TMPRSS11D: variants seen among roughly 807,000 people sequenced by gnomAD.
TMPRSS11D encodes the protein transmembrane serine protease 11D, also known as transmembrane protease serine 11D.
Under a neutral mutation model 44.4 loss-of-function variants are expected in TMPRSS11D, and 32 were observed. That is an observed-to-expected ratio of 0.72 (90% CI 0.54 to 0.97). The LOEUF (loss-of-function observed/expected upper bound fraction) is 0.97. TMPRSS11D is among the 50% of genes least tolerant of loss of function. TMPRSS11D has a pLI of 0.00. For missense variants in TMPRSS11D, 446 were observed against 502.6 expected (o/e 0.89, Z 1.08); for synonymous variants, 179 against 177.9 (o/e 1.01, Z -0.05).
intron 3 of TMPRSS11D, among the ~76,000 whole-genome samples, chr4:67,848,489 C>A (rs1718412734): frequency 6.6e-6 from 1 of 152,158 alleles, no homozygotes; most frequent in Non-Finnish European, 1.5e-5. Flanking sequence ...CATCATGAAG[C>A]TTATGTCTAA....
chr4:67,861,813 T>C (rs576320158), intron 1 of TMPRSS11D, among the ~76,000 whole-genome samples: 2 of 152,196 alleles, frequency 1.3e-5, no homozygotes, highest in African/African-American at 4.8e-5. Context: ...ACTAATTACA[T>C]AAGAATGAAT....
intron 1 of TMPRSS11D, chr4:67,860,250 A>G (rs966523845): frequency 6.6e-6 from 1 of 152,564 alleles, no homozygotes; most frequent in African/African-American, 2.4e-5. Context: ...AGTAACTGAA[A>G]TGAAACAGAA....
chr4:67,877,089 A>G (rs1719209214), intron 1 of TMPRSS11D, among the ~76,000 whole-genome samples: 1 of 152,216 alleles, frequency 6.6e-6, no homozygotes, highest in Non-Finnish European at 1.5e-5. Flanking sequence ...AACGGGCGAT[A>G]GGTATGAGGA....
At chr4:67,852,632 C>T (rs944487689) in intron 3 of TMPRSS11D, among the ~76,000 whole-genome samples, 28 of 151,904 alleles carry the variant, frequency 1.8e-4, no homozygotes, top group Non-Finnish European at 2.8e-4. Flanking sequence ...ATAAAGCAAG[C>T]GAAGTTAGAT....
rs940087392 is a variant in TMPRSS11D, at chr4:67,829,789, G to A, written c.693-2269C>T. ...AAAGATACTCAAACTAGTAATCTGA[G>A]AAATTAAAATTATAAAAATGAGCAT... On this transcript the variant is annotated intron_variant, in intron 7 of 9. Coordinates refer to ENST00000283916, the MANE Select transcript of TMPRSS11D (RefSeq NM_004262.3). Among the ~76,000 whole-genome samples the A allele has an allele frequency of 2.0e-5, 3 of 151,946 alleles. No individual in the cohort carries two copies. The East Asian group carries it at 5.8e-4, about 29-fold the overall frequency.
At chr4:67,825,462 T>G (rs1265019967) in intron 9 of TMPRSS11D, among the ~76,000 whole-genome samples, 1 of 152,042 alleles carries the variant, frequency 6.6e-6, no homozygotes, top group Non-Finnish European at 1.5e-5. Flanking sequence ...GACTTGGTAA[T>G]AGAGGTTAAG....
rs550205572 is a variant in TMPRSS11D, at chr4:67,870,664, A to G, written c.9-10986T>C. Among the ~76,000 whole-genome samples, 9 of 152,132 alleles carry G rather than the reference A, an allele frequency of 5.9e-5. No individual in the cohort carries two copies. The East Asian group carries it at 1.7e-3, about 30-fold the overall frequency. On this transcript the variant is annotated intron_variant, in intron 1 of 9. Coordinates refer to ENST00000283916, the MANE Select transcript of TMPRSS11D (RefSeq NM_004262.3). ...CCAGTCTCTACTAAAAATACAAAAA[A>G]TTAGCCGGGCGTGGTGGCGGGCGCC...
chr4:67,878,887 C>T (rs555679635), intron 1 of TMPRSS11D, among the ~76,000 whole-genome samples: 94 of 152,262 alleles, frequency 6.2e-4, no homozygotes, highest in African/African-American at 2.3e-3. Flanking sequence ...GATTGCACCA[C>T]TGCACTCCAG....
intron 4 of TMPRSS11D, among the ~76,000 whole-genome samples, chr4:67,839,701 CG>C (rs1718184217): frequency 6.6e-6 from 1 of 151,562 alleles, no homozygotes; most frequent in African/African-American, 2.4e-5. Flanking sequence ...TATCTGTTTC[CG>C]AGATCCAGCT....
chr4:67,881,701 T>C (rs890328694), intron 1 of TMPRSS11D, among the ~76,000 whole-genome samples: 5 of 152,196 alleles, frequency 3.3e-5, no homozygotes, highest in Non-Finnish European at 5.9e-5. Flanking sequence ...CCGCCAACTT[T>C]TGTCTCAGGT....
rs183680425 is a variant in TMPRSS11D at position 67,855,128 on chromosome 4, G to A, written c.131-942C>T. The stretch of plus-strand genomic sequence containing the variant: ...AAATTAGCCAGGTGTGGTGGCAGGC[G>A]CCTGTAATCTCAGCTACTTGGGAGG... On this transcript the variant is annotated intron_variant, in intron 2 of 9. Coordinates refer to ENST00000283916, the MANE Select transcript of TMPRSS11D (RefSeq NM_004262.3). 8.2e-4 allele frequency among the ~76,000 whole-genome samples: 124 copies of A among 151,990 alleles called. 1 individual carries two copies. The East Asian group carries it at 0.017, about 21-fold the overall frequency.
chr4:67,860,336 A>C (rs1168383753), intron 1 of TMPRSS11D: 2 of 152,096 alleles, frequency 1.3e-5, no homozygotes, highest in Non-Finnish European at 2.9e-5. Flanking sequence ...AGTCACACAC[A>C]CTGACACTGG....
intron 1 of TMPRSS11D, among the ~76,000 whole-genome samples, chr4:67,876,116 G>C (rs1036576159): frequency 3.9e-5 from 6 of 152,128 alleles, no homozygotes; most frequent in Non-Finnish European, 7.4e-5. Context: ...CCAGGGGCCT[G>C]TGTTTTTAAT....
intron 2 of TMPRSS11D, among the ~76,000 whole-genome samples, chr4:67,856,854 T>A (rs1718648521): frequency 6.6e-6 from 1 of 151,998 alleles, no homozygotes; most frequent in Non-Finnish European, 1.5e-5. Flanking sequence ...AAATAAGACA[T>A]ACAAATCATC....
intron 1 of TMPRSS11D, among the ~76,000 whole-genome samples, chr4:67,864,275 T>C (rs1718865140): frequency 6.6e-6 from 1 of 152,040 alleles, no homozygotes. Context: ...AGAAGAGGAA[T>C]GTGTTGACAC....
chr4:67,880,568 T>C (rs779106920), intron 1 of TMPRSS11D, among the ~76,000 whole-genome samples: 2 of 152,186 alleles, frequency 1.3e-5, no homozygotes, highest in Non-Finnish European at 2.9e-5. Flanking sequence ...AGAAGTAAAC[T>C]TGTCAGAATA....
chr4:67,880,512 C>T (rs1432726577), intron 1 of TMPRSS11D, among the ~76,000 whole-genome samples: 1 of 151,952 alleles, frequency 6.6e-6, no homozygotes, highest in Non-Finnish European at 1.5e-5. Flanking sequence ...AACATTACAT[C>T]TTAATTTATT....
chr4:67,851,967 C>T (rs1476225207), intron 3 of TMPRSS11D, among the ~76,000 whole-genome samples: 1 of 152,142 alleles, frequency 6.6e-6, no homozygotes, highest in East Asian at 1.9e-4. Context: ...ACTGAGGTTA[C>T]ACCATCAAGG....
At position 67,834,139 on chromosome 4, in the gene TMPRSS11D, C is replaced by G. The variant is rs528798286; in HGVS notation, c.515-758G>C. 2.6e-5 allele frequency among the ~76,000 whole-genome samples: 4 copies of G among 152,146 alleles called. No individual in the cohort carries two copies. The East Asian group carries it at 7.7e-4, about 29-fold the overall frequency. ...GCTGATCACCCAATTCCTCTCAACT[C>G]GCATTCCCATAATTTTCTTCTTTTG... On this transcript the variant is annotated intron_variant, in intron 6 of 9. Transcript: ENST00000283916.
Sources: gnomAD v4.1 joint callset for allele counts (sites outside exome capture counted in the v4.1 genomes callset) on GRCh38, gnomAD v4.1.1 for gene constraint, MANE v1.5 for transcripts, NCBI Gene and HGNC (gene_info 2026-07-23, HGNC 2026-07-21) for gene names.